Variants in ELAPOR2 observed in about 807,000 individuals in gnomAD.
ELAPOR2 encodes endosome/lysosome-associated apoptosis and autophagy regulator family member 2.
A neutral mutation model predicts 120.7 loss-of-function variants in ELAPOR2; 89 were observed. The ratio of observed to expected loss-of-function variants is 0.74; its 90% CI spans 0.62 to 0.88. The LOEUF is 0.88. Ranked by LOEUF, ELAPOR2 falls within the 40% of genes least tolerant of loss-of-function variation. The pLI, the probability that ELAPOR2 is intolerant of heterozygous loss-of-function variation, is 0.00. For synonymous variants in ELAPOR2, 444 were observed against 444.9 expected, an observed-to-expected ratio of 1.00 and a Z score of 0.03; for missense variants, 1,134 against 1,251.6, an observed-to-expected ratio of 0.91 and a Z score of 1.42.
chr7:86,964,444 T>TA (rs939191531), intron 2 of ELAPOR2, among the ~76,000 whole-genome samples: 12 of 151,866 alleles, frequency 7.9e-5, no homozygotes, highest in African/African-American at 2.9e-4. Context: ...TTTCTATGGC[T>TA]AAAAAAAATA....
At chr7:86,918,621 T>A in intron 11 of ELAPOR2, 77 bp from the exon 12 acceptor site, 1 of 918,624 alleles carries the variant, frequency 1.1e-6, no homozygotes, top group South Asian at 1.5e-5. Flanking sequence ...CCACTATTTT[T>A]ATTAAACTAA....
rs1045902860 is a variant in ELAPOR2 at position 87,059,278 on chromosome 7, G to A, written c.189+47C>T. 5 of 1,244,510 alleles carry A rather than the reference G, an allele frequency of 4.0e-6. No homozygotes were observed. In the South Asian group the frequency reaches 2.1e-4, roughly 51 times the overall value. 77.1% of individuals were successfully genotyped at this position (1,244,510 alleles called of 1,614,324 possible). ...GAACCGCTCTCAGCCTTCATCTTCC[G>A]CGCCCTCCCCCAGCAAACTCCAGGT... is the stretch of plus-strand genomic sequence containing the variant. On this transcript the variant is annotated intron_variant, in intron 1 of 21. Transcript: ENST00000450689.
intron 1 of ELAPOR2, among the ~76,000 whole-genome samples, chr7:87,044,709 T>A (rs906435512): frequency 6.6e-6 from 1 of 151,976 alleles, no homozygotes; most frequent in Admixed American, 6.5e-5. Flanking sequence ...AAGGACTTCA[T>A]GTCTAAAACA....
intron 15 of ELAPOR2, among the ~76,000 whole-genome samples, chr7:86,911,141 TG>T (rs1264128724): frequency 6.6e-6 from 1 of 152,098 alleles, no homozygotes. Context: ...GATAGAAGTA[TG>T]GTAGACAATG....
In ELAPOR2 at chr7:87,040,135, C is replaced by G. The variant is rs549994550; in HGVS notation, c.189+19190G>C. 7.9e-3 allele frequency among the ~76,000 whole-genome samples: 1,206 copies of G among 152,316 alleles called. 14 individuals are homozygous for G. The highest frequency in any genetic ancestry group is 0.028 in the African/African-American group (1,158 of 41,562). On this transcript the variant is annotated intron_variant, in intron 1 of 21. Transcript: ENST00000450689. Reference sequence around the variant, plus strand: ...GGAGGGTCCTACGCCCACGGAGTCTCGCTGATTGCTAGCACAGCAGTCTGA... The same window carrying G: ...GGAGGGTCCTACGCCCACGGAGTCTGGCTGATTGCTAGCACAGCAGTCTGA...
intron 20 of ELAPOR2, 103 bp from the exon 21 acceptor site, chr7:86,891,992 G>A (rs1788186051): frequency 6.8e-6 from 5 of 733,300 alleles, no homozygotes; most frequent in Non-Finnish European, 1.1e-5. Flanking sequence ...AATTGACTTG[G>A]AGTATAATTG....
chr7:87,039,882 C>A (rs1486672140), intron 1 of ELAPOR2, among the ~76,000 whole-genome samples: 1 of 152,076 alleles, frequency 6.6e-6, no homozygotes, highest in African/African-American at 2.4e-5. Flanking sequence ...CTAGGGAGTG[C>A]CAGACAGAGG....
intron 2 of ELAPOR2, among the ~76,000 whole-genome samples, chr7:86,948,522 A>C (rs1467446101): frequency 2.6e-5 from 4 of 152,134 alleles, no homozygotes; most frequent in Non-Finnish European, 5.9e-5. Context: ...AATGAGTGAC[A>C]ACTAAATATA....
intron 21 of ELAPOR2, among the ~76,000 whole-genome samples, chr7:86,889,800 T>A (rs1345462478): frequency 6.6e-6 from 1 of 152,044 alleles, no homozygotes; most frequent in Admixed American, 6.6e-5. Context: ...CCTTGTCCCC[T>A]TTTTGTCCAA....
At chr7:86,956,738 G>A (rs903642036) in intron 2 of ELAPOR2, among the ~76,000 whole-genome samples, 3 of 152,164 alleles carry the variant, frequency 2.0e-5, no homozygotes, top group South Asian at 4.1e-4. Context: ...TGATGGGGGA[G>A]GGGAGAAATC....
intron 19 of ELAPOR2, among the ~76,000 whole-genome samples, 159 bp from the exon 20 acceptor site, chr7:86,893,259 C>G (rs1331686761): frequency 6.6e-6 from 1 of 151,830 alleles, no homozygotes; most frequent in Non-Finnish European, 1.5e-5. Flanking sequence ...ATTCAGCATT[C>G]ATTTAATAAA....
chr7:86,881,740 T>C (rs1419122553), intron 21 of ELAPOR2, among the ~76,000 whole-genome samples: 2 of 152,168 alleles, frequency 1.3e-5, no homozygotes, highest in East Asian at 3.9e-4. Context: ...TAGAGAAAGC[T>C]TTCTGAAGGC....
intron 1 of ELAPOR2, among the ~76,000 whole-genome samples, chr7:86,978,657 C>T (rs1160916199): frequency 6.6e-6 from 1 of 152,176 alleles, no homozygotes; most frequent in Non-Finnish European, 1.5e-5. Flanking sequence ...ATCCCAGCAC[C>T]ATCATTTTTC....
chr7:86,953,550 T>G (rs1791353077), intron 2 of ELAPOR2, among the ~76,000 whole-genome samples: 1 of 152,200 alleles, frequency 6.6e-6, no homozygotes, highest in African/African-American at 2.4e-5. Flanking sequence ...TTAATAATCT[T>G]AAAGACTGTA....
chr7:86,947,713 CT>C lies in ELAPOR2; in HGVS notation c.506+13del, dbSNP rs1484933534. ...ATATTCAGTTAAGAGCCAAAGGCTGCTTTGGATTCTTACTTGTTACAGCCGT... is the reference window on the plus strand; with the variant it reads ...ATATTCAGTTAAGAGCCAAAGGCTGCTTGGATTCTTACTTGTTACAGCCGT... On this transcript the variant is annotated intron_variant, in intron 3 of 21. Coordinates refer to ENST00000450689, the MANE Select transcript of ELAPOR2 (RefSeq NM_001142749.3). The C allele has an allele frequency of 2.6e-6, 4 of 1,547,060 alleles. No homozygotes were observed. Among genetic ancestry groups the C allele is most frequent in the Non-Finnish European group, 3.5e-6 (4 of 1,143,524 alleles).
At chr7:87,012,280 CAT>C (rs1562967714) in intron 1 of ELAPOR2, among the ~76,000 whole-genome samples, 3 of 152,082 alleles carry the variant, frequency 2.0e-5, no homozygotes, top group South Asian at 4.1e-4. Flanking sequence ...CATGGTGGCG[CAT>C]GCCTGTAGTC....
chr7:86,891,052 T>C (rs915747984), intron 21 of ELAPOR2: 1 of 152,044 alleles, frequency 6.6e-6, no homozygotes, highest in Non-Finnish European at 1.5e-5. Flanking sequence ...TCAAACAATG[T>C]ATGGTTTCAT....
chr7:87,011,552 C>T (rs770600752), intron 1 of ELAPOR2, among the ~76,000 whole-genome samples: 4 of 152,208 alleles, frequency 2.6e-5, no homozygotes, highest in East Asian at 1.9e-4. Flanking sequence ...ACAATTTTTC[C>T]GTTTCAGTGA....
chr7:86,943,075 C>T (rs1046994045), intron 4 of ELAPOR2, among the ~76,000 whole-genome samples: 1 of 152,014 alleles, frequency 6.6e-6, no homozygotes, highest in Non-Finnish European at 1.5e-5. Context: ...GTGTCATATT[C>T]ACTTTATAAG....
Sources: gnomAD v4.1 joint callset for allele counts (sites outside exome capture counted in the v4.1 genomes callset) on GRCh38, gnomAD v4.1.1 for gene constraint, MANE v1.5 for transcripts, NCBI Gene and HGNC (gene_info 2026-07-23, HGNC 2026-07-21) for gene names.